RFESD: variants seen among roughly 807,000 people sequenced by gnomAD.
RFESD encodes the protein Rieske domain-containing protein.
A neutral mutation model predicts 24.4 loss-of-function variants in RFESD; 16 were observed. The ratio of observed to expected loss-of-function variants is 0.66; its 90% CI spans 0.44 to 1.00. The LOEUF (loss-of-function observed/expected upper bound fraction) is 1.00. RFESD is among the 50% of genes least tolerant of loss of function. The pLI is 0.00. For synonymous variants in RFESD, 59 were observed against 81.8 expected (o/e 0.72, Z 1.50); for missense variants, 208 against 247.0 (o/e 0.84, Z 1.06).
At chr5:95,653,462 C>CT (rs1750486930) in intron 3 of RFESD, among the ~76,000 whole-genome samples, 2 of 152,340 alleles carry the variant, frequency 1.3e-5, no homozygotes, top group East Asian at 1.9e-4. Context: ...ACTTAAATCT[C>CT]TATGTTTTAC....
At chr5:95,647,550 T>G (rs1426318444) in intron 1 of RFESD, 1 of 152,156 alleles carries the variant, frequency 6.6e-6, no homozygotes, top group Non-Finnish European at 1.5e-5. Flanking sequence ...TGGTGCTGAT[T>G]TCCAGAGCAG....
At chr5:95,652,479 T>A in intron 2 of RFESD, 148 bp downstream of exon 2, 1 of 988,756 alleles carries the variant, frequency 1.0e-6, no homozygotes, top group Non-Finnish European at 1.4e-6. Flanking sequence ...GTAAAATATA[T>A]ATAGCTCTTG....
In RFESD at chr5:95,656,445, TAAG is replaced by T; in HGVS notation, c.*138_*140del. On this transcript the variant is annotated 3_prime_UTR_variant, in exon 6 of 6. Transcript: ENST00000380005. Reference sequence around the variant, plus strand: ...AAAATTCACATACATTTGAGAGGTTTAAGAGCACACATACTTAGTATGATGTAA... The same window carrying T: ...AAAATTCACATACATTTGAGAGGTTTAGCACACATACTTAGTATGATGTAA... 1 of 642,750 alleles carries T rather than the reference TAAG, an allele frequency of 1.6e-6. No homozygotes were observed. 39.8% of individuals were successfully genotyped at this position (642,750 alleles called of 1,614,324 possible).
intron 1 of RFESD, 116 bp downstream of exon 1, chr5:95,646,933 C>A (rs1229660597): frequency 6.6e-6 from 1 of 152,364 alleles, no homozygotes; most frequent in Non-Finnish European, 1.5e-5. Flanking sequence ...GGGCCTGAGG[C>A]CCTCTTGGGT....
chr5:95,653,991 G>T, intron 3 of RFESD, 70 bp from the exon 4 acceptor site: 1 of 1,302,606 alleles, frequency 7.7e-7, no homozygotes, highest in Admixed American at 2.0e-5. Flanking sequence ...CATTCTTAGG[G>T]TTATCTCCAT....
intron 2 of RFESD, chr5:95,652,557 T>G (rs1189507701): frequency 4.3e-6 from 2 of 467,860 alleles, no homozygotes; most frequent in Non-Finnish European, 7.1e-6. Context: ...GCACTACAGT[T>G]CACCTAGCTG....
chr5:95,654,208 A>T lies in RFESD; in HGVS notation c.306A>T (p.Glu102Asp). The T allele has an allele frequency of 6.2e-7, 1 of 1,613,194 alleles. No individual in the cohort carries two copies. The highest frequency in any genetic ancestry group is 1.7e-5 in the Admixed American group (1 of 59,996). ...TGGTCATTTTCTACCACAAGGGAGA[A>T]TATCATGCTATGGATATTCGCTGTT... is the stretch of plus-strand genomic sequence containing the variant. ...REVVIFYHKG[E>D]YHAMDIRCYH... is the part of the protein sequence containing the mutation. Residue 102 changes from glutamate (E) to aspartate (D), a missense_variant, in exon 4 of 6, where the codon GAA becomes GAT. Transcript: ENST00000380005.
Position 95,652,175 on chromosome 5 carries a change from G to T in RFESD, c.-97G>T. On this transcript the variant is annotated 5_prime_UTR_variant, in exon 2 of 6. Transcript: ENST00000380005. ...TGCAATTCAAGGAGAATATAAGACA[G>T]AGAAGAAAGCTGTGAATGAATTTCA... is the stretch of plus-strand genomic sequence containing the variant. The T allele has an allele frequency of 7.0e-7, 1 of 1,431,626 alleles. No individual in the cohort carries two copies. The highest frequency in any genetic ancestry group is 1.6e-5 in the South Asian group (1 of 62,456). The allele number at this position is 1,431,626 out of a possible 1,614,324, so 88.7% of individuals were successfully genotyped here. A position where few individuals can be genotyped will look rare whatever the true frequency, so the allele number is the denominator to read the frequency against.
At chr5:95,655,509 G>A (rs1750693582) in intron 5 of RFESD, 1 of 152,698 alleles carries the variant, frequency 6.5e-6, no homozygotes, top group Non-Finnish European at 1.5e-5. Flanking sequence ...CATTTAAACA[G>A]AGAGACATGC....
At chr5:95,652,857 T>A in intron 2 of RFESD, 1 of 427,130 alleles carries the variant, frequency 2.3e-6, no homozygotes, top group Non-Finnish European at 4.0e-6. Context: ...GCTTTCTGAT[T>A]TCTGGGCATC....
chr5:95,656,126 G>C lies in RFESD; in HGVS notation c.450G>C (p.Gln150His). 1.2e-6 allele frequency: 2 copies of C among 1,613,770 alleles called. No homozygotes were observed. The highest frequency in any genetic ancestry group is 1.7e-6 in the Non-Finnish European group (2 of 1,179,716). ...TGGCAACAGGAGAAGGTCTGTACCA[G>C]TCTATAAACCCTAAAGATCCATCAG... The part of the protein sequence containing the change: ...ITLATGEGLY[Q>H]SINPKDPSAK... Residue 150 changes from glutamine (Q) to histidine (H), a missense_variant, in exon 6 of 6, where the codon CAG (glutamine) becomes CAC (histidine). Physicochemically the swap from Gln to His is conservative, Grantham distance 24 (BLOSUM62 0). Transcript: ENST00000380005.
At chr5:95,653,437 T>C (rs939746429) in intron 3 of RFESD, among the ~76,000 whole-genome samples, 1 of 152,240 alleles carries the variant, frequency 6.6e-6, no homozygotes, top group African/African-American at 2.4e-5. Flanking sequence ...TGATAGGAAA[T>C]AAAGGGATAG....
Position 95,656,078 on chromosome 5 carries a change from C to G in RFESD, c.402C>G (p.Pro134=), listed in dbSNP as rs1315863024. 6.2e-7 allele frequency: 1 copy of G among 1,613,462 alleles called. No homozygotes were observed. The highest frequency in any genetic ancestry group is 8.5e-7 in the Non-Finnish European group (1 of 1,179,630). ...DFDGRPCIVC[P]WHKYKITLAT... ...ATGGACGACCGTGTATAGTTTGCCC[C>G]TGGCATAAATACAAAATTACTTTGG... Residue 134 remains proline, a synonymous_variant, in exon 6 of 6, where the codon CCC becomes CCG. Coordinates refer to ENST00000380005, the MANE Select transcript of RFESD (RefSeq NM_001131066.2).
At chr5:95,650,722 T>C (rs2112496514) in intron 1 of RFESD, among the ~76,000 whole-genome samples, 1 of 152,302 alleles carries the variant, frequency 6.6e-6, no homozygotes, top group East Asian at 1.9e-4. Context: ...TGAAAACAAT[T>C]TCCCTTTTTT....
chr5:95,657,113 A>C lies in RFESD; in HGVS notation c.*804A>C, dbSNP rs1244571155. The stretch of plus-strand genomic sequence containing the variant: ...CAATGTTCTTTGAATGCCTATATGA[A>C]ATTTTCAAATAAAGATTTTTAAAAA... On this transcript the variant is annotated 3_prime_UTR_variant, in exon 6 of 6. Coordinates refer to ENST00000380005, the MANE Select transcript of RFESD (RefSeq NM_001131066.2). 2.0e-5 allele frequency: 3 copies of C among 152,104 alleles called. No individual in the cohort carries two copies. The highest frequency in any genetic ancestry group is 6.5e-5 in the Admixed American group (1 of 15,268). The allele number at this position is 152,104 out of a possible 1,614,324, so 9.4% of individuals were successfully genotyped here. A position where few individuals can be genotyped will look rare whatever the true frequency, so the allele number is the denominator to read the frequency against.
intron 1 of RFESD, chr5:95,647,786 G>C (rs1293730916): frequency 6.6e-6 from 1 of 152,074 alleles, no homozygotes; most frequent in Middle Eastern, 3.4e-3. Context: ...TTATAAAAAC[G>C]TGGGTGCTAC....
chr5:95,651,819 G>A (rs1021866081), intron 1 of RFESD, among the ~76,000 whole-genome samples: 1 of 152,134 alleles, frequency 6.6e-6, no homozygotes, highest in Non-Finnish European at 1.5e-5. Flanking sequence ...TTGGCCAAAA[G>A]GATATTAAAG....
At chr5:95,648,620 A>G (rs1750197951) in intron 1 of RFESD, among the ~76,000 whole-genome samples, 1 of 152,194 alleles carries the variant, frequency 6.6e-6, no homozygotes, top group Non-Finnish European at 1.5e-5. Flanking sequence ...ATAAAATTAT[A>G]CTTTTCTAAG....
intron 1 of RFESD, chr5:95,648,106 C>T (rs115917999): frequency 1.7e-3 from 259 of 152,300 alleles, no homozygotes; most frequent in African/African-American, 5.9e-3. Context: ...TTTCTTTTAT[C>T]TCCCGTGTCT....
Sources: allele counts gnomAD v4.1 joint callset (sites outside exome capture counted in the v4.1 genomes callset), GRCh38; gene constraint gnomAD v4.1.1; transcripts MANE v1.5; gene names NCBI Gene and HGNC (gene_info 2026-07-23, HGNC 2026-07-21).